The following DNAH10 variants were observed in gnomAD, a reference collection of about 807,000 sequenced individuals.
DNAH10 encodes the protein axonemal beta dynein heavy chain 10.
DNAH10 carries 348 observed loss-of-function variants against 506.6 expected under a neutral mutation model. The observed-to-expected ratio is 0.69, with a 90% CI of 0.63 to 0.75. DNAH10 has a LOEUF of 0.75. Among genes scored for constraint, DNAH10 ranks in the 30% least tolerant of loss-of-function variants. The pLI, the probability that DNAH10 is intolerant of heterozygous loss-of-function variation, is 0.00. For missense variants in DNAH10, 5,179 were observed against 5,787.1 expected (o/e 0.89, Z 3.41); for synonymous variants, 2,059 against 2,198.6 (o/e 0.94, Z 1.78).
chr12:123,926,914 C>T lies in DNAH10; in HGVS notation c.12105+94C>T, dbSNP rs1954971090. The stretch of plus-strand genomic sequence containing the variant: ...TAACCTGGGTTTAAGCTGAGTGCCA[C>T]GCCACAAATCAGTTGGATGCATTTC... On this transcript the variant is annotated intron_variant, in intron 69 of 78. Coordinates refer to ENST00000673944, the MANE Select transcript of DNAH10 (RefSeq NM_001372106.1). The surrounding 1 kb of genome is among the most constrained non-coding windows in gnomAD (Gnocchi z 4.1). 8.0e-6 allele frequency: 11 copies of T among 1,375,826 alleles called. No homozygotes were observed. Among genetic ancestry groups the T allele is most frequent in the South Asian group, 7.9e-5 (6 of 76,394 alleles). The allele number at this position is 1,375,826 out of a possible 1,614,324, so 85.2% of individuals were successfully genotyped here. A position where few individuals can be genotyped will look rare whatever the true frequency, so the allele number is the denominator to read the frequency against.
In DNAH10 at chr12:123,796,834, T is replaced by TA. The variant is rs1179317185; in HGVS notation, c.2163+3dup. 6.3e-7 allele frequency: 1 copy of TA among 1,591,292 alleles called. No individual in the cohort carries two copies. The highest frequency in any genetic ancestry group is 8.5e-7 in the Non-Finnish European group (1 of 1,171,658). ...CTGGACAGTGATCGAGGACAGGAGG[T>TA]ATGTTGCTCTTGCTAGAATTGGCTC... On this transcript the variant is annotated splice_region_variant and intron_variant, in intron 13 of 78. Transcript: ENST00000673944.
At position 123,813,531 on chromosome 12, in the gene DNAH10, A is replaced by G. The variant is rs755655700; in HGVS notation, c.3512A>G (p.His1171Arg). 109 of 1,614,110 alleles carry G rather than the reference A, an allele frequency of 6.8e-5. 1 individual carries two copies. In the Admixed American group the frequency reaches 1.7e-3, roughly 26 times the overall value. ...DEHCIRLQLR[H>R]LANTVQENAK... ...CATTGCATCAGACTTCAGCTCAGGC[A>G]TCTGGCAAACACAGTGCAGGAAAAT... Residue 1171 changes from histidine (H) to arginine (R), a missense_variant, in exon 20 of 79, where the codon CAT becomes CGT. By Grantham distance (29) the His-to-Arg change is conservative. Around this residue, in one of 3 missense-constraint regions of DNAH10, gnomAD observed 4,844 missense variants for 5,430.5 expected, o/e 0.89. Coordinates refer to ENST00000673944, the MANE Select transcript of DNAH10 (RefSeq NM_001372106.1).
chr12:123,858,834 C>A (rs1200432433), intron 37 of DNAH10, among the ~76,000 whole-genome samples: 1 of 152,104 alleles, frequency 6.6e-6, no homozygotes, highest in Non-Finnish European at 1.5e-5. Flanking sequence ...TGTGAGAGAT[C>A]ACACATTCTA....
intron 24 of DNAH10, among the ~76,000 whole-genome samples, chr12:123,825,255 G>A (rs1959849814): frequency 6.6e-6 from 1 of 152,170 alleles, no homozygotes; most frequent in African/African-American, 2.4e-5. Flanking sequence ...GAGTGTGGCC[G>A]TGGAAGCCTA....
chr12:123,762,556 C>T lies in DNAH10; in HGVS notation c.214+6C>T, dbSNP rs1440154750. 1.3e-6 allele frequency: 2 copies of T among 1,548,902 alleles called. No homozygotes were observed. Among genetic ancestry groups the T allele is most frequent in the Non-Finnish European group, 1.7e-6 (2 of 1,148,300 alleles). On this transcript the variant is annotated splice_donor_region_variant and intron_variant, in intron 1 of 78. Transcript: ENST00000673944. The surrounding 1 kb of genome is among the most constrained non-coding windows in gnomAD (Gnocchi z 5.0). The stretch of plus-strand genomic sequence containing the variant: ...GGAGGTGGAGGTGGAGATTGGTGAG[C>T]CTCGACGCGCCGCTCCCTTCCCCGG...
At position 123,917,913 on chromosome 12, in the gene DNAH10, T is replaced by G. The variant is rs2137539438; in HGVS notation, c.11232+100T>G. The G allele has an allele frequency of 7.4e-7, 1 of 1,349,354 alleles. No homozygotes were observed. The highest frequency in any genetic ancestry group is 1.4e-5 in the South Asian group (1 of 71,636). 83.6% of individuals were successfully genotyped at this position (1,349,354 alleles called of 1,614,324 possible). A position where few individuals can be genotyped will look rare whatever the true frequency, so the allele number is the denominator to read the frequency against. Reference sequence around the variant, plus strand: ...TGCTCAATGAGAAAATGGGGCTCTGTGATCTCAGGGCTAAAAACCCACCTC... The same window carrying G: ...TGCTCAATGAGAAAATGGGGCTCTGGGATCTCAGGGCTAAAAACCCACCTC... On this transcript the variant is annotated intron_variant, in intron 64 of 78. Transcript: ENST00000673944. The surrounding 1 kb of genome is among the most constrained non-coding windows in gnomAD (Gnocchi z 5.6).
Position 123,787,610 on chromosome 12 carries a change from C to G in DNAH10, c.1422-194C>G, listed in dbSNP as rs1453667032. 6.6e-6 allele frequency among the ~76,000 whole-genome samples: 1 copy of G among 152,252 alleles called. No homozygotes were observed. The highest frequency in any genetic ancestry group is 1.5e-5 in the Non-Finnish European group (1 of 68,052). Reference sequence around the variant, plus strand: ...AGGTTGGCGGCTGCAACGGAAACCTCGCAGCTTGGGACTCCCGCCCTTGCA... The same window carrying G: ...AGGTTGGCGGCTGCAACGGAAACCTGGCAGCTTGGGACTCCCGCCCTTGCA... On this transcript the variant is annotated intron_variant, in intron 9 of 78. Coordinates refer to ENST00000673944, the MANE Select transcript of DNAH10 (RefSeq NM_001372106.1). This position sits in a 1 kb window ranked among gnomAD's most constrained non-coding sequence, Gnocchi z 4.6.
intron 3 of DNAH10, 85 bp from the exon 4 acceptor site, chr12:123,772,749 A>C: frequency 1.0e-6 from 1 of 984,322 alleles, no homozygotes; most frequent in Non-Finnish European, 1.5e-6. Context: ...TGTTGAGAGG[A>C]GAGCTTAGGT....
chr12:123,769,800 C>T (rs1353814541), intron 2 of DNAH10, among the ~76,000 whole-genome samples: 1 of 151,964 alleles, frequency 6.6e-6, no homozygotes, highest in African/African-American at 2.4e-5. Context: ...GTGGCCCAGG[C>T]TGGAGTGCTG....
intron 11 of DNAH10, among the ~76,000 whole-genome samples, 193 bp downstream of exon 11, chr12:123,790,314 C>T (rs1164057592): frequency 6.6e-6 from 1 of 152,136 alleles, no homozygotes; most frequent in Non-Finnish European, 1.5e-5. Flanking sequence ...TCTTCTTTGT[C>T]CTCACACCCA....
chr12:123,826,880 A>C lies in DNAH10; in HGVS notation c.4373A>C (p.Asn1458Thr). The C allele has an allele frequency of 6.2e-7, 1 of 1,613,360 alleles. No homozygotes were observed. Among genetic ancestry groups the C allele is most frequent in the Non-Finnish European group, 8.5e-7 (1 of 1,179,528 alleles). The change falls in exon 25 of 79, where the codon AAC becomes ACC. Residue 1458 changes from asparagine (N) to threonine (T), a missense_variant. Asn to Thr is a moderately conservative substitution (Grantham distance 65). Around this residue, in one of 3 missense-constraint regions of DNAH10, gnomAD observed 4,844 missense variants for 5,430.5 expected, o/e 0.89. Coordinates refer to ENST00000673944, the MANE Select transcript of DNAH10 (RefSeq NM_001372106.1). ...ATTCCTTTACTTCTTGACTTGAAAA[A>C]CGAGGCACTAAGAGACAGGTTTGTT... Reference protein sequence around the residue: ...DSIPLLLDLKNEALRDRHWKE... With the variant: ...DSIPLLLDLKTEALRDRHWKE...
chr12:123,792,658 G>A (rs1379093644), intron 11 of DNAH10, among the ~76,000 whole-genome samples: 5 of 151,874 alleles, frequency 3.3e-5, no homozygotes, highest in Admixed American at 6.6e-5. Flanking sequence ...ACAGAGTTTC[G>A]CCATGTTGGC....
intron 16 of DNAH10, among the ~76,000 whole-genome samples, chr12:123,802,528 A>C (rs1018454235): frequency 6.6e-6 from 1 of 151,016 alleles, no homozygotes; most frequent in African/African-American, 2.4e-5. Context: ...CTGATCTTGA[A>C]CTCCTGGCCT....
chr12:123,884,095 G>A (rs916542140), intron 51 of DNAH10, among the ~76,000 whole-genome samples: 2 of 151,888 alleles, frequency 1.3e-5, no homozygotes, highest in Non-Finnish European at 2.9e-5. Context: ...GTGCAATGAC[G>A]TGATCTCGGC....
chr12:123,851,498 G>T (rs2136728731), intron 35 of DNAH10, among the ~76,000 whole-genome samples: 1 of 152,164 alleles, frequency 6.6e-6, no homozygotes, highest in Non-Finnish European at 1.5e-5. Flanking sequence ...TTTAATTTTG[G>T]AATAATGTAA....
At position 123,781,140 on chromosome 12, in the gene DNAH10, T is replaced by C. The variant is rs11057353; in HGVS notation, c.682T>C (p.Ser228Pro). 1,018,650 of 1,613,600 alleles carry C rather than the reference T, an allele frequency of 0.63. 325,110 individuals are homozygous for C. The highest frequency in any genetic ancestry group is 0.95 in the East Asian group (42,595 of 44,870). Reference sequence around the variant, plus strand: ...GACGAGTACAACCGTGGGAGTCACATCTGGAGAAGTCTCTAATTCCTCTGA... The same window carrying C: ...GACGAGTACAACCGTGGGAGTCACACCTGGAGAAGTCTCTAATTCCTCTGA... ...HRTSTTVGVT[S>P]GEVSNSSEHE... The change falls in exon 6 of 79, where the codon TCT becomes CCT. Residue 228 changes from serine to proline, a missense_variant. Transcript: ENST00000673944.
intron 25 of DNAH10, among the ~76,000 whole-genome samples, chr12:123,829,995 A>G (rs1349090291): frequency 6.6e-6 from 1 of 152,140 alleles, no homozygotes; most frequent in African/African-American, 2.4e-5. Context: ...GGCACACTGC[A>G]GTTTTCTCAT....
intron 6 of DNAH10, among the ~76,000 whole-genome samples, chr12:123,782,263 G>A (rs1957682642): frequency 6.7e-6 from 1 of 148,766 alleles, no homozygotes; most frequent in South Asian, 2.1e-4. Flanking sequence ...GATGCTATAT[G>A]TCTCAAATCT....
intron 13 of DNAH10, 152 bp from the exon 14 acceptor site, chr12:123,799,094 G>C (rs1958386279): frequency 2.8e-6 from 1 of 354,578 alleles, no homozygotes. Flanking sequence ...GACAGAGTGA[G>C]ACTCCGTCTC....
Sources: allele counts gnomAD v4.1 joint callset (sites outside exome capture counted in the v4.1 genomes callset), GRCh38; gene constraint gnomAD v4.1.1; regional missense constraint gnomAD v4.1.1; non-coding constraint Gnocchi (gnomAD v3.1); transcripts MANE v1.5; gene names NCBI Gene and HGNC (gene_info 2026-07-23, HGNC 2026-07-21).